CYTH3: variants seen among roughly 807,000 people sequenced by gnomAD.
CYTH3 encodes the protein cytohesin 3.
A neutral mutation model predicts 55.1 loss-of-function variants in CYTH3; 23 were observed. That is an observed-to-expected ratio of 0.42 (90% CI 0.30 to 0.59). CYTH3 has a LOEUF of 0.59. CYTH3 is among the 20% of genes least tolerant of loss of function. CYTH3 has a pLI of 0.20. For missense variants in CYTH3, 413 were observed against 524.8 expected (o/e 0.79, Z 2.08); for synonymous variants, 249 against 194.9 (o/e 1.28, Z -2.31).
chr7:6,187,735 A>G lies in CYTH3; in HGVS notation c.118-14T>C, dbSNP rs774642957. 3.1e-6 allele frequency: 5 copies of G among 1,613,638 alleles called. No individual in the cohort carries two copies. In the South Asian group the frequency reaches 5.5e-5, roughly 18 times the overall value. ...ATATTTCAGCCTCTGTCAAAAAAGA[A>G]GAATTTCGAGGTGGGGAGTGGGTCT... On this transcript the variant is annotated splice_polypyrimidine_tract_variant and intron_variant, in intron 2 of 12. Transcript: ENST00000350796.
At chr7:6,249,926 C>A (rs965978328) in intron 1 of CYTH3, among the ~76,000 whole-genome samples, 19 of 152,212 alleles carry the variant, frequency 1.2e-4, no homozygotes, top group African/African-American at 4.3e-4. Context: ...TTATCTCTAA[C>A]TGTAGTCACA....
At chr7:6,240,855 C>T (rs1036578737) in intron 1 of CYTH3, among the ~76,000 whole-genome samples, 41 of 152,218 alleles carry the variant, frequency 2.7e-4, no homozygotes, top group African/African-American at 9.6e-4. Flanking sequence ...GTAGCTCGCG[C>T]CTGTAATCCC....
intron 5 of CYTH3, among the ~76,000 whole-genome samples, chr7:6,176,552 C>T (rs902311798): frequency 7.9e-5 from 12 of 152,090 alleles, no homozygotes; most frequent in East Asian, 1.9e-4. Context: ...TGAGGCACCA[C>T]GCCTGGCCAA....
intron 1 of CYTH3, among the ~76,000 whole-genome samples, chr7:6,246,615 CAAAAAT>C (rs1221436282): frequency 6.6e-6 from 1 of 151,920 alleles, no homozygotes; most frequent in Non-Finnish European, 1.5e-5. Context: ...TTATCAAAAA[CAAAAAT>C]AAAACAGTAA....
chr7:6,222,401 A>G (rs983872823), intron 1 of CYTH3, among the ~76,000 whole-genome samples: 3 of 152,160 alleles, frequency 2.0e-5, no homozygotes, highest in African/African-American at 7.2e-5. Flanking sequence ...AGGAGTCATT[A>G]ACATTTTAAC....
chr7:6,165,187 C>T (rs975201140), intron 12 of CYTH3, 86 bp downstream of exon 12: 33 of 1,557,272 alleles, frequency 2.1e-5, no homozygotes, highest in African/African-American at 4.1e-5. Context: ...CTCTTGCACA[C>T]GGAAGCATCC....
intron 1 of CYTH3, among the ~76,000 whole-genome samples, chr7:6,238,413 C>A (rs1779582106): frequency 1.3e-5 from 2 of 152,058 alleles, no homozygotes; most frequent in African/African-American, 4.8e-5. Context: ...GAAATGATGG[C>A]TAACAAACAA....
intron 1 of CYTH3, among the ~76,000 whole-genome samples, chr7:6,214,946 A>C (rs1238205212): frequency 6.6e-6 from 1 of 152,198 alleles, no homozygotes; most frequent in Admixed American, 6.5e-5. Flanking sequence ...ATTGGCTTGA[A>C]AAAAAAGAGT....
chr7:6,178,619 G>A (rs758944002), intron 4 of CYTH3, among the ~76,000 whole-genome samples: 3 of 152,232 alleles, frequency 2.0e-5, no homozygotes, highest in Admixed American at 6.5e-5. Flanking sequence ...TACAGGGACC[G>A]CCTTCTTGCC....
rs1207320928 is a variant in CYTH3 at position 6,164,940 on chromosome 7, A to C, written c.*4T>G. On this transcript the variant is annotated 3_prime_UTR_variant, in exon 13 of 13. Transcript: ENST00000350796. ...CTTTTACCTGGGTCTTTTAGCCAGG[A>C]AAGCTATTTTTTATTGGCAATCCTT... 2 of 1,614,198 alleles carry C rather than the reference A, an allele frequency of 1.2e-6. No homozygotes were observed. The highest frequency in any genetic ancestry group is 1.7e-6 in the Non-Finnish European group (2 of 1,180,032).
At chr7:6,248,482 G>A (rs764969760) in intron 1 of CYTH3, among the ~76,000 whole-genome samples, 9 of 152,130 alleles carry the variant, frequency 5.9e-5, no homozygotes, top group Non-Finnish European at 1.2e-4. Context: ...AACTCTCCCT[G>A]TCTAGACCTG....
chr7:6,262,418 A>G (rs1780375428), intron 1 of CYTH3, among the ~76,000 whole-genome samples: 1 of 152,236 alleles, frequency 6.6e-6, no homozygotes, highest in South Asian at 2.1e-4. Flanking sequence ...GACACACCAC[A>G]TAACAGCTGA....
chr7:6,172,696 G>C (rs921090112), intron 6 of CYTH3: 64 of 1,090,658 alleles, frequency 5.9e-5, no homozygotes, highest in African/African-American at 6.8e-5. Flanking sequence ...AGTCACAGCT[G>C]CAAGGGCCGC....
intron 1 of CYTH3, among the ~76,000 whole-genome samples, chr7:6,211,475 A>C (rs1037819451): frequency 4.6e-5 from 7 of 152,086 alleles, no homozygotes. Context: ...AAAACTTTAA[A>C]ATTTTTAATT....
chr7:6,174,213 G>C (rs1783274443), intron 5 of CYTH3, among the ~76,000 whole-genome samples: 1 of 151,562 alleles, frequency 6.6e-6, no homozygotes, highest in Non-Finnish European at 1.5e-5. Flanking sequence ...TCCTGGGTTC[G>C]AAGCGACTCT....
chr7:6,225,616 A>G (rs986573924), intron 1 of CYTH3, among the ~76,000 whole-genome samples: 2 of 151,992 alleles, frequency 1.3e-5, no homozygotes, highest in Non-Finnish European at 2.9e-5. Context: ...TTGGCCTCTC[A>G]AAGTGCTGGG....
rs569680233 is a variant in CYTH3 at position 6,192,692 on chromosome 7, C to T, written c.35-2161G>A. Among the ~76,000 whole-genome samples the T allele has an allele frequency of 9.9e-5, 15 of 151,482 alleles. No homozygotes were observed. In the East Asian group the frequency reaches 2.4e-3, roughly 24 times the overall value. Reference sequence around the variant, plus strand: ...GATTATAGGCGTGCACCACCACGCTCGGCTAATTTTTTGTATTTTTAGTAG... The same window carrying T: ...GATTATAGGCGTGCACCACCACGCTTGGCTAATTTTTTGTATTTTTAGTAG... On this transcript the variant is annotated intron_variant, in intron 1 of 12. Coordinates refer to ENST00000350796, the MANE Select transcript of CYTH3 (RefSeq NM_004227.4).
At position 6,173,424 on chromosome 7, in the gene CYTH3, C is replaced by G. The variant is rs7802499; in HGVS notation, c.449+229G>C. ...GGAAACGGAATGGAAGGAGCATCAGCGGCCACAGTGAGGAAAGCACGGCCC... is the reference window on the plus strand; with the variant it reads ...GGAAACGGAATGGAAGGAGCATCAGGGGCCACAGTGAGGAAAGCACGGCCC... On this transcript the variant is annotated intron_variant, in intron 6 of 12. Transcript: ENST00000350796. Among the ~76,000 whole-genome samples the G allele has an allele frequency of 1.7e-3, 265 of 152,360 alleles. 6 individuals carry two copies. The highest frequency in any genetic ancestry group is 6.8e-3 in the Middle Eastern group (2 of 294).
Position 6,237,645 on chromosome 7 carries a change from G to A in CYTH3, c.34+34829C>T, listed in dbSNP as rs548634118. On this transcript the variant is annotated intron_variant, in intron 1 of 12. Coordinates refer to ENST00000350796, the MANE Select transcript of CYTH3 (RefSeq NM_004227.4). Reference sequence around the variant, plus strand: ...ATCACTTGAACCCGGGGGGCAGAAGGTTGCAGTGAGCCCAGATCGCGCCAC... The same window carrying A: ...ATCACTTGAACCCGGGGGGCAGAAGATTGCAGTGAGCCCAGATCGCGCCAC... Among the ~76,000 whole-genome samples, 3 of 152,170 alleles carry A rather than the reference G, an allele frequency of 2.0e-5. No homozygotes were observed. In the South Asian group the frequency reaches 6.2e-4, roughly 32 times the overall value.
Sources: allele counts gnomAD v4.1 joint callset (sites outside exome capture counted in the v4.1 genomes callset), GRCh38; gene constraint gnomAD v4.1.1; transcripts MANE v1.5; gene names NCBI Gene and HGNC (gene_info 2026-07-23, HGNC 2026-07-21).